Variants in CELF2 observed in about 807,000 individuals in gnomAD.
The protein encoded by CELF2 is CUGBP Elav-like family member 2, also known as CUG triplet repeat RNA-binding protein 2.
CELF2 carries 8 observed loss-of-function variants against 62.6 expected under a neutral mutation model. The observed-to-expected ratio is 0.13, with a 90% CI of 0.07 to 0.23. CELF2 has a LOEUF of 0.23. Ranked by LOEUF, CELF2 falls within the 10% of genes least tolerant of loss-of-function variation. The probability of loss-of-function intolerance (pLI) is 1.00; values close to 1 mark genes in which losing one functional copy is unlikely to be tolerated. For synonymous variants in CELF2, 258 were observed against 250.0 expected (o/e 1.03, Z -0.30); for missense variants, 333 against 671.0 (o/e 0.50, Z 5.56).
chr10:10,926,781 G>A (rs1037160897), intron 2 of CELF2, among the ~76,000 whole-genome samples: 1 of 152,190 alleles, frequency 6.6e-6, no homozygotes, highest in Non-Finnish European at 1.5e-5. Flanking sequence ...GTCGGGGTAA[G>A]GGGAGAATGG....
chr10:10,773,583 G>C, the CELF2 span, among the ~76,000 whole-genome samples: 9 of 152,278 alleles, frequency 5.9e-5, no homozygotes, highest in South Asian at 8.3e-4. Flanking sequence ...CTTTAACTGG[G>C]TACCTCTGAC....
At chr10:10,672,763 G>A in the CELF2 span, among the ~76,000 whole-genome samples, 1 of 151,982 alleles carries the variant, frequency 6.6e-6, no homozygotes, top group Admixed American at 6.6e-5. Context: ...CTTCAATAAT[G>A]TGTTGGCAAT....
At chr10:10,583,961 C>T in the CELF2 span, among the ~76,000 whole-genome samples, 5,614 of 152,136 alleles carry the variant, frequency 0.037, 331 homozygotes, top group African/African-American at 0.13. Context: ...AGGATCCAAG[C>T]GGCAAATGAG....
At chr10:10,779,806 C>A in the CELF2 span, among the ~76,000 whole-genome samples, 1 of 152,028 alleles carries the variant, frequency 6.6e-6, no homozygotes, top group Non-Finnish European at 1.5e-5. Flanking sequence ...AATTTTCCCT[C>A]CATATCTTAA....
intron 2 of CELF2, among the ~76,000 whole-genome samples, chr10:11,171,892 A>G (rs2068993456): frequency 1.3e-5 from 2 of 152,176 alleles, no homozygotes; most frequent in African/African-American, 2.4e-5. Context: ...TGGCCGCTTT[A>G]TGGAGGACTG....
chr10:11,042,114 C>CTG (rs1787096006), intron 1 of CELF2, among the ~76,000 whole-genome samples: 1 of 152,168 alleles, frequency 6.6e-6, no homozygotes, highest in African/African-American at 2.4e-5. Flanking sequence ...GGGCTTAGCA[C>CTG]TGTGTTGATT....
chr10:10,539,737 T>C, the CELF2 span, among the ~76,000 whole-genome samples: 2 of 152,334 alleles, frequency 1.3e-5, no homozygotes, highest in African/African-American at 2.4e-5. Flanking sequence ...ATTAGGACTA[T>C]GTGCAAAGTC....
At chr10:11,208,434 A>G (rs1002615976) in intron 2 of CELF2, among the ~76,000 whole-genome samples, 1 of 152,326 alleles carries the variant, frequency 6.6e-6, no homozygotes, top group South Asian at 2.1e-4. Flanking sequence ...AGGTTCCACA[A>G]AGTATGGTCA....
chr10:11,167,588 A>G (rs1254023899), intron 2 of CELF2, among the ~76,000 whole-genome samples: 4 of 152,078 alleles, frequency 2.6e-5, no homozygotes, highest in Non-Finnish European at 2.9e-5. Context: ...TTATTCTCCC[A>G]TTGTCTCTCT....
At chr10:11,301,493 A>C (rs1378363526) in intron 9 of CELF2, among the ~76,000 whole-genome samples, 28 of 11,052 alleles carry the variant, frequency 2.5e-3, no homozygotes, top group African/African-American at 2.9e-3. Context: ...CCCCTACCGC[A>C]CCCCCCCACC....
the CELF2 span, among the ~76,000 whole-genome samples, chr10:10,774,472 C>T: frequency 6.6e-6 from 1 of 152,164 alleles, no homozygotes; most frequent in Non-Finnish European, 1.5e-5. Context: ...TTAGCACCAT[C>T]GCTTTGGTGC....
rs569356642 is a variant in CELF2 at position 11,183,145 on chromosome 10, A to G, written c.271+17463A>G. ...CAGTCCCTTCTGTCCTGGCTGCCCC[A>G]TGCCTCAATTACTGACCTACTTTCT... On this transcript the variant is annotated intron_variant, in intron 2 of 12. Transcript: ENST00000633077. Among the ~76,000 whole-genome samples, 17 of 152,276 alleles carry G rather than the reference A, an allele frequency of 1.1e-4. No individual in the cohort carries two copies. In the South Asian group the frequency reaches 2.3e-3, roughly 20 times the overall value.
At chr10:11,264,326 G>A (rs2081565027) in intron 5 of CELF2, among the ~76,000 whole-genome samples, 1 of 152,204 alleles carries the variant, frequency 6.6e-6, no homozygotes, top group South Asian at 2.1e-4. Context: ...TGCATAAACT[G>A]TGCCTTATTG....
At chr10:10,682,655 T>C in the CELF2 span, among the ~76,000 whole-genome samples, 1 of 152,188 alleles carries the variant, frequency 6.6e-6, no homozygotes, top group Non-Finnish European at 1.5e-5. Context: ...TTTTTTTTCT[T>C]CTGGATTCAG....
intron 1 of CELF2, among the ~76,000 whole-genome samples, chr10:10,833,353 T>G (rs1046308115): frequency 5.9e-5 from 9 of 152,190 alleles, no homozygotes; most frequent in African/African-American, 1.9e-4. Context: ...CCTTACCAAC[T>G]GTGTTCATTA....
At chr10:11,013,339 CAAGTTAGAGAGGG>C (rs2056767700), upstream of CELF2, among the ~76,000 whole-genome samples, 1 of 152,146 alleles carries the variant, frequency 6.6e-6, no homozygotes, top group South Asian at 2.1e-4. This position sits in a 1 kb window ranked among gnomAD's most constrained non-coding sequence, Gnocchi z 4.1. Context: ...AAGGAAAGGG[CAAGTTAGAGAGGG>C]AAGTGATGAG....
chr10:11,304,281 G>A (rs1389288380), intron 9 of CELF2, among the ~76,000 whole-genome samples: 2 of 152,022 alleles, frequency 1.3e-5, no homozygotes, highest in African/African-American at 4.8e-5. Context: ...TCCTCATGCT[G>A]CCATCTCTGA....
At chr10:10,696,983 C>G in the CELF2 span, among the ~76,000 whole-genome samples, 2 of 152,170 alleles carry the variant, frequency 1.3e-5, no homozygotes, top group African/African-American at 4.8e-5. Flanking sequence ...GGAGCTGTTC[C>G]TATTCGGCCA....
chr10:10,736,299 G>T, the CELF2 span, among the ~76,000 whole-genome samples: 1,620 of 151,208 alleles, frequency 0.011, 32 homozygotes, highest in African/African-American at 0.036. Flanking sequence ...TAGGTGTTTT[G>T]GTTTTGGTTT....
Sources: allele counts gnomAD v4.1 joint callset (sites outside exome capture counted in the v4.1 genomes callset), GRCh38; gene constraint gnomAD v4.1.1; non-coding constraint Gnocchi (gnomAD v3.1); transcripts MANE v1.5; gene names NCBI Gene and HGNC (gene_info 2026-07-23, HGNC 2026-07-21).